The following MITF variants were observed in gnomAD, a reference collection of about 807,000 sequenced individuals.
MITF encodes the protein microphthalmia-associated transcription factor.
Under a neutral mutation model 60.5 loss-of-function variants are expected in MITF, and 17 were observed. That is an observed-to-expected ratio of 0.28 (90% CI 0.19 to 0.42). MITF has a LOEUF of 0.42. Among genes scored for constraint, MITF ranks in the 10% least tolerant of loss-of-function variants. The pLI is 1.00. For missense variants in MITF, 622 were observed against 683.5 expected (o/e 0.91, Z 1.00); for synonymous variants, 260 against 248.5 (o/e 1.05, Z -0.43).
intron 1 of MITF, among the ~76,000 whole-genome samples, chr3:69,781,255 A>C (rs965155978): frequency 6.6e-6 from 1 of 152,182 alleles, no homozygotes; most frequent in Non-Finnish European, 1.5e-5. Flanking sequence ...CAAATACGTG[A>C]CCAGGTTGTT....
At chr3:69,879,472 T>C in intron 2 of MITF, 89 bp downstream of exon 2, 2 of 1,585,774 alleles carry the variant, frequency 1.3e-6, no homozygotes, top group East Asian at 2.3e-5. Context: ...ATGTATTTTG[T>C]TAGACTGACC....
At chr3:69,926,268 C>T (rs2065583957) in intron 2 of MITF, among the ~76,000 whole-genome samples, 1 of 152,164 alleles carries the variant, frequency 6.6e-6, no homozygotes, top group Non-Finnish European at 1.5e-5. Context: ...CCAGAAGGAC[C>T]CTCAGTCTCA....
chr3:69,937,721 G>C (rs1559732649), intron 2 of MITF, 101 bp from the exon 3 acceptor site: 3 of 937,140 alleles, frequency 3.2e-6, no homozygotes, highest in Non-Finnish European at 5.1e-6. Flanking sequence ...AATTTATTCT[G>C]TTGGTGGCCT....
chr3:69,941,052 G>C (rs2065957252), intron 4 of MITF, among the ~76,000 whole-genome samples, 184 bp from the exon 5 acceptor site: 1 of 152,124 alleles, frequency 6.6e-6, no homozygotes, highest in Admixed American at 6.5e-5. Context: ...ACCTATTCGT[G>C]TTAATGGTCT....
chr3:69,767,201 G>T (rs1337379122), intron 1 of MITF, among the ~76,000 whole-genome samples: 1 of 152,172 alleles, frequency 6.6e-6, no homozygotes, highest in Admixed American at 6.5e-5. Context: ...CTGTATGCCA[G>T]CACTATGCTA....
intron 7 of MITF, among the ~76,000 whole-genome samples, chr3:69,953,554 A>G (rs1331093950): frequency 6.6e-6 from 1 of 150,828 alleles, no homozygotes; most frequent in Non-Finnish European, 1.5e-5. Flanking sequence ...CACTCATTCA[A>G]TCAGCCATTA....
intron 9 of MITF, among the ~76,000 whole-genome samples, chr3:69,962,270 T>C (rs3821364): frequency 0.29 from 44,727 of 152,106 alleles, 6,678 homozygotes; most frequent in African/African-American, 0.35. Flanking sequence ...AAGTGATGCA[T>C]GCAAAAGTTT....
chr3:69,829,925 G>A (rs1362381484), intron 1 of MITF, among the ~76,000 whole-genome samples: 3 of 152,214 alleles, frequency 2.0e-5, no homozygotes, highest in Non-Finnish European at 2.9e-5. Context: ...GCCTCAGACA[G>A]TGGAGGAACC....
chr3:69,958,193 C>G (rs1174172976), intron 8 of MITF, among the ~76,000 whole-genome samples: 2 of 152,206 alleles, frequency 1.3e-5, no homozygotes, highest in African/African-American at 2.4e-5. Flanking sequence ...TATCCCAATT[C>G]TGATTTCTCT....
intron 7 of MITF, among the ~76,000 whole-genome samples, chr3:69,955,885 A>G (rs187716369): frequency 6.6e-6 from 1 of 152,356 alleles, no homozygotes; most frequent in East Asian, 1.9e-4. Flanking sequence ...CAGCATGACA[A>G]GTAAATTCTA....
Position 69,815,825 on chromosome 3 carries a change from A to C in MITF, c.105-63309A>C, listed in dbSNP as rs184182979. Among the ~76,000 whole-genome samples the C allele has an allele frequency of 3.3e-5, 5 of 152,230 alleles. No individual in the cohort carries two copies. The East Asian group carries it at 9.7e-4, about 29-fold the overall frequency. On this transcript the variant is annotated intron_variant, in intron 1 of 9. Coordinates refer to ENST00000352241, the MANE Select transcript of MITF (RefSeq NM_001354604.2). ...TGTCTCTGGATTTTATCATTTTGTA[A>C]GGAGTGTTGAATTTTGTTCTGGAAA...
chr3:69,852,972 G>A (rs1314943692), intron 1 of MITF, among the ~76,000 whole-genome samples: 1 of 152,084 alleles, frequency 6.6e-6, no homozygotes, highest in African/African-American at 2.4e-5. Context: ...ATATTGGTTT[G>A]AATCATTACA....
rs756460434 is a variant in MITF at position 69,879,338 on chromosome 3, C to T, written c.309C>T (p.Pro103=). 5.0e-6 allele frequency: 8 copies of T among 1,614,210 alleles called. No individual in the cohort carries two copies. The highest frequency in any genetic ancestry group is 3.3e-5 in the Admixed American group (2 of 60,026). ...CACCAGCCATAAACGTCAGTGTGCC[C>T]ACCACCCTTCCCTCTGCCACGCAGG... ...SQTPAINVSV[P]TTLPSATQVP... The change falls in exon 2 of 10, where the codon CCC becomes CCT. Residue 103 remains proline (P), a synonymous_variant. Coordinates refer to ENST00000352241, the MANE Select transcript of MITF (RefSeq NM_001354604.2).
At chr3:69,958,901 G>A (rs1403428032) in intron 8 of MITF, among the ~76,000 whole-genome samples, 3 of 151,910 alleles carry the variant, frequency 2.0e-5, no homozygotes, top group Non-Finnish European at 1.5e-5. Flanking sequence ...CACTAGGCAC[G>A]TGGCAAACAC....
intron 2 of MITF, among the ~76,000 whole-genome samples, chr3:69,915,192 C>T (rs1267652470): frequency 6.6e-6 from 1 of 152,160 alleles, no homozygotes; most frequent in Admixed American, 6.5e-5. Flanking sequence ...AGTAGAGATA[C>T]TACCTGTCTC....
At chr3:69,946,792 T>C (rs1576023765) in intron 5 of MITF, among the ~76,000 whole-genome samples, 1 of 152,120 alleles carries the variant, frequency 6.6e-6, no homozygotes, top group East Asian at 1.9e-4. Flanking sequence ...GCTATAGGGA[T>C]TTTAATTCAT....
At position 69,784,139 on chromosome 3, in the gene MITF, C is replaced by G. The variant is rs116144900; in HGVS notation, c.104+44438C>G. ...TCCTTTGTGGTCTGTATAAAAGGAG[C>G]CATTGGGGAAGAGTTGCTTTTTGTT... On this transcript the variant is annotated intron_variant, in intron 1 of 9. Transcript: ENST00000352241. Among the ~76,000 whole-genome samples the G allele has an allele frequency of 1.1e-3, 169 of 152,074 alleles. 2 individuals are homozygous for G. Among genetic ancestry groups the G allele is most frequent in the African/African-American group, 4.0e-3 (165 of 41,440 alleles).
At chr3:69,938,701 A>G in intron 3 of MITF, 1 of 1,307,626 alleles carries the variant, frequency 7.6e-7, no homozygotes. Context: ...TTTGCAGCAT[A>G]CAAATACCTG....
At chr3:69,840,103 A>G (rs2063608689) in intron 1 of MITF, among the ~76,000 whole-genome samples, 1 of 152,216 alleles carries the variant, frequency 6.6e-6, no homozygotes, top group African/African-American at 2.4e-5. Context: ...AGATGATACT[A>G]TAAAGAGACA....
Sources: allele counts gnomAD v4.1 joint callset (sites outside exome capture counted in the v4.1 genomes callset), GRCh38; gene constraint gnomAD v4.1.1; transcripts MANE v1.5; gene names NCBI Gene and HGNC (gene_info 2026-07-23, HGNC 2026-07-21).